GRID2: variants seen among roughly 807,000 people sequenced by gnomAD.
GRID2 encodes glutamate receptor ionotropic, delta-2.
GRID2 carries 33 observed loss-of-function variants against 114.8 expected under a neutral mutation model. That is an observed-to-expected ratio of 0.29 (90% CI 0.22 to 0.38). The LOEUF (loss-of-function observed/expected upper bound fraction) is 0.38. Among genes scored for constraint, GRID2 ranks in the 10% least tolerant of loss-of-function variants. GRID2 has a pLI of 1.00. For synonymous variants in GRID2, 505 were observed against 449.9 expected (o/e 1.12, Z -1.55); for missense variants, 1,184 against 1,257.7 (o/e 0.94, Z 0.89).
intron 13 of GRID2, among the ~76,000 whole-genome samples, chr4:93,589,996 T>G (rs371840871): frequency 1.3e-5 from 2 of 150,704 alleles, no homozygotes; most frequent in African/African-American, 4.9e-5. Flanking sequence ...TCTCCCATTT[T>G]GTAGGTTGCC....
intron 8 of GRID2, among the ~76,000 whole-genome samples, chr4:93,301,891 A>G (rs1297677661): frequency 6.6e-6 from 1 of 152,200 alleles, no homozygotes; most frequent in Non-Finnish European, 1.5e-5. Context: ...TAAAATAAAA[A>G]TAAAACTCAG....
chr4:93,500,567 A>G (rs1404684902), intron 12 of GRID2, among the ~76,000 whole-genome samples: 4 of 151,980 alleles, frequency 2.6e-5, no homozygotes, highest in Non-Finnish European at 5.9e-5. Flanking sequence ...CTTACAGTCT[A>G]TCTTGCTGAG....
At chr4:93,039,982 T>G (rs1467390211) in intron 2 of GRID2, among the ~76,000 whole-genome samples, 3 of 152,190 alleles carry the variant, frequency 2.0e-5, no homozygotes, top group Non-Finnish European at 4.4e-5. Context: ...TCTGGATTGT[T>G]TCTTCTAGTC....
At chr4:92,423,701 A>C (rs1472893781) in intron 1 of GRID2, among the ~76,000 whole-genome samples, 1 of 152,130 alleles carries the variant, frequency 6.6e-6, no homozygotes, top group Non-Finnish European at 1.5e-5. Flanking sequence ...ATGTTCAATA[A>C]TACTTTTGGC....
intron 2 of GRID2, among the ~76,000 whole-genome samples, chr4:92,657,526 A>G (rs972828890): frequency 2.0e-5 from 3 of 151,730 alleles, no homozygotes; most frequent in Non-Finnish European, 2.9e-5. Context: ...GAACCAGCTT[A>G]AATTATACCA....
intron 1 of GRID2, among the ~76,000 whole-genome samples, chr4:92,473,459 T>C (rs575313177): frequency 2.0e-5 from 3 of 152,212 alleles, no homozygotes; most frequent in African/African-American, 4.8e-5. Context: ...ACAATGATAA[T>C]AGAAGTGGGA....
intron 1 of GRID2, among the ~76,000 whole-genome samples, chr4:92,575,945 G>A (rs1447298361): frequency 6.6e-6 from 1 of 152,190 alleles, no homozygotes; most frequent in Non-Finnish European, 1.5e-5. Context: ...GTGGATCAGG[G>A]TCCCCCTTAA....
chr4:93,478,851 A>C (rs1725580447), intron 11 of GRID2, among the ~76,000 whole-genome samples: 1 of 152,114 alleles, frequency 6.6e-6, no homozygotes, highest in Admixed American at 6.6e-5. Context: ...GTCTACAGGA[A>C]ATTTTCATTT....
At chr4:93,732,735 T>C (rs1401353910) in intron 14 of GRID2, among the ~76,000 whole-genome samples, 1 of 152,146 alleles carries the variant, frequency 6.6e-6, no homozygotes, top group Non-Finnish European at 1.5e-5. Flanking sequence ...GGACCTCTTA[T>C]AACCATGGCA....
chr4:92,608,771 T>G (rs1729580818), intron 2 of GRID2, among the ~76,000 whole-genome samples: 4 of 151,850 alleles, frequency 2.6e-5, no homozygotes, highest in Admixed American at 2.0e-4. Flanking sequence ...TTAACATAAG[T>G]ATTTTTATTG....
intron 8 of GRID2, among the ~76,000 whole-genome samples, chr4:93,375,098 G>A (rs1320249904): frequency 2.0e-5 from 3 of 151,998 alleles, no homozygotes; most frequent in Non-Finnish European, 4.4e-5. Context: ...TTCATAAACC[G>A]TAACCTAATC....
At chr4:93,219,481 A>T (rs147738312) in intron 6 of GRID2, among the ~76,000 whole-genome samples, 221 of 152,252 alleles carry the variant, frequency 1.5e-3, no homozygotes, top group African/African-American at 5.1e-3. Context: ...GAAAACAAGA[A>T]AACTACTTTT....
chr4:93,527,390 A>G (rs1275460811), intron 13 of GRID2, among the ~76,000 whole-genome samples: 2 of 152,146 alleles, frequency 1.3e-5, no homozygotes, highest in Non-Finnish European at 2.9e-5. Flanking sequence ...TAAAATTTGA[A>G]TGTCTTGATA....
chr4:93,045,276 A>G (rs966202370), intron 2 of GRID2, among the ~76,000 whole-genome samples: 1 of 151,942 alleles, frequency 6.6e-6, no homozygotes, highest in African/African-American at 2.4e-5. Context: ...TTCCCTCTTT[A>G]TCTTTTGTCT....
intron 2 of GRID2, among the ~76,000 whole-genome samples, chr4:92,726,480 T>A (rs886709315): frequency 6.6e-6 from 1 of 152,130 alleles, no homozygotes; most frequent in Non-Finnish European, 1.5e-5. Flanking sequence ...AGTAGCTGCT[T>A]TTTTAATTGG....
chr4:92,516,592 A>G (rs1560683455), intron 1 of GRID2, among the ~76,000 whole-genome samples: 1 of 151,918 alleles, frequency 6.6e-6, no homozygotes, highest in Non-Finnish European at 1.5e-5. Flanking sequence ...ACTTTAAAGC[A>G]GCATGTCTTT....
At chr4:93,075,295 C>A (rs1729158842) in intron 2 of GRID2, among the ~76,000 whole-genome samples, 1 of 152,162 alleles carries the variant, frequency 6.6e-6, no homozygotes, top group Admixed American at 6.5e-5. Flanking sequence ...TGAGCAAACT[C>A]TGTTCTCAGC....
chr4:93,286,677 A>G (rs887999798), intron 8 of GRID2, among the ~76,000 whole-genome samples: 262 of 54,942 alleles, frequency 4.8e-3, no homozygotes, highest in African/African-American at 0.019. Flanking sequence ...GCTTTTGTGT[A>G]TGTGTGTGTG....
chr4:92,974,537 G>A (rs1257536610), intron 2 of GRID2, among the ~76,000 whole-genome samples: 2 of 152,044 alleles, frequency 1.3e-5, no homozygotes, highest in East Asian at 1.9e-4. Flanking sequence ...GTCCATTGCA[G>A]GGACATGGAT....
Sources: allele counts gnomAD v4.1 joint callset (sites outside exome capture counted in the v4.1 genomes callset), GRCh38; gene constraint gnomAD v4.1.1; transcripts MANE v1.5; gene names NCBI Gene and HGNC (gene_info 2026-07-23, HGNC 2026-07-21).